The following ADTRP variants were observed in gnomAD, a reference collection of about 807,000 sequenced individuals.
ADTRP encodes the protein androgen dependent TFPI regulating protein.
ADTRP carries 20 observed loss-of-function variants against 27.0 expected under a neutral mutation model. That is an observed-to-expected ratio of 0.74 (90% confidence interval 0.52 to 1.08). The LOEUF (loss-of-function observed/expected upper bound fraction) is 1.08. Ranked by LOEUF, ADTRP falls within the 50% of genes least tolerant of loss-of-function variation. ADTRP has a pLI of 0.00. For synonymous variants in ADTRP, 101 were observed against 105.2 expected (o/e 0.96, Z 0.25); for missense variants, 251 against 275.0 (o/e 0.91, Z 0.62).
At chr6:11,742,172 T>C (rs539087813) in intron 3 of ADTRP, among the ~76,000 whole-genome samples, 24 of 152,342 alleles carry the variant, frequency 1.6e-4, no homozygotes, top group African/African-American at 5.8e-4. Flanking sequence ...AAACCTTCTG[T>C]GGCTCTCTAT....
chr6:11,736,879 GGTAA>G (rs1409549137), intron 3 of ADTRP, among the ~76,000 whole-genome samples: 1 of 152,154 alleles, frequency 6.6e-6, no homozygotes, highest in East Asian at 1.9e-4. Flanking sequence ...TGCTGAGGGT[GGTAA>G]GTGTGTGGGG....
intron 4 of ADTRP, among the ~76,000 whole-genome samples, chr6:11,724,362 T>A (rs1453456285): frequency 2.0e-5 from 3 of 152,138 alleles, no homozygotes; most frequent in Non-Finnish European, 4.4e-5. Context: ...CGGCCCTGAT[T>A]TTCACTCATG....
rs551685020 is a variant in ADTRP at position 11,754,701 on chromosome 6, G to C, written c.390+11573C>G. On this transcript the variant is annotated intron_variant, in intron 3 of 5. Coordinates refer to ENST00000414691, the MANE Select transcript of ADTRP (RefSeq NM_032744.4). ...TAGGCAGAGAAGATGATGAGACCAG[G>C]AACAAGGTGTGGGGGCTGGTTGAGA... Among the ~76,000 whole-genome samples the C allele has an allele frequency of 7.9e-5, 12 of 152,284 alleles. No homozygotes were observed. In the South Asian group the frequency reaches 1.7e-3, roughly 21 times the overall value.
intron 4 of ADTRP, among the ~76,000 whole-genome samples, chr6:11,729,978 G>A (rs1416560157): frequency 6.6e-6 from 1 of 152,128 alleles, no homozygotes; most frequent in Non-Finnish European, 1.5e-5. Context: ...TTTCAACAAT[G>A]TGTCTCAGGC....
At chr6:11,748,297 G>A (rs910112305) in intron 3 of ADTRP, among the ~76,000 whole-genome samples, 3 of 152,192 alleles carry the variant, frequency 2.0e-5, no homozygotes, top group African/African-American at 7.2e-5. Context: ...TGACACTTGG[G>A]TTGCTAAAGG....
intron 4 of ADTRP, among the ~76,000 whole-genome samples, chr6:11,730,681 A>G (rs1762354938): frequency 6.6e-6 from 1 of 152,258 alleles, no homozygotes; most frequent in Non-Finnish European, 1.5e-5. Context: ...AGAGCACAGT[A>G]TAAAAGAAAG....
chr6:11,778,298 T>C (rs1471850084), intron 1 of ADTRP, among the ~76,000 whole-genome samples: 1 of 152,142 alleles, frequency 6.6e-6, no homozygotes, highest in Non-Finnish European at 1.5e-5. Context: ...TTGTAGTTAA[T>C]CCCATGGTGA....
chr6:11,731,386 T>C (rs1206124480), intron 4 of ADTRP, among the ~76,000 whole-genome samples: 1 of 152,206 alleles, frequency 6.6e-6, no homozygotes, highest in Non-Finnish European at 1.5e-5. Context: ...AAGTTACAAA[T>C]ACTGCTCACC....
chr6:11,744,209 T>C (rs565706148), intron 3 of ADTRP, among the ~76,000 whole-genome samples: 1 of 152,296 alleles, frequency 6.6e-6, no homozygotes, highest in East Asian at 1.9e-4. Context: ...ACATCTCCCT[T>C]GCTTTCTGCC....
At chr6:11,774,025 G>A (rs193177588) in intron 1 of ADTRP, among the ~76,000 whole-genome samples, 284 of 152,272 alleles carry the variant, frequency 1.9e-3, no homozygotes, top group African/African-American at 6.3e-3. Context: ...GAGTGCCATA[G>A]GGGTTGGGTG....
intron 3 of ADTRP, among the ~76,000 whole-genome samples, chr6:11,753,203 C>T (rs1561763361): frequency 1.3e-5 from 2 of 152,190 alleles, no homozygotes; most frequent in Non-Finnish European, 2.9e-5. Context: ...CTCCTCACAC[C>T]AATCTGACTT....
intron 5 of ADTRP, among the ~76,000 whole-genome samples, chr6:11,715,572 G>A (rs1761784374): frequency 6.6e-6 from 1 of 151,892 alleles, no homozygotes. Context: ...TTCAGCCGAG[G>A]CTTATTGTTT....
chr6:11,769,783 T>A lies in ADTRP; in HGVS notation c.154-1400A>T, dbSNP rs560048784. 3.0e-3 allele frequency among the ~76,000 whole-genome samples: 458 copies of A among 152,136 alleles called. 4 individuals are homozygous for A. Among genetic ancestry groups the A allele is most frequent in the African/African-American group, 0.011 (442 of 41,520 alleles). On this transcript the variant is annotated intron_variant, in intron 1 of 5. Coordinates refer to ENST00000414691, the MANE Select transcript of ADTRP (RefSeq NM_032744.4). ...TTATTAAGATACACTTTACAGAATA[T>A]AAAATATAGATTTTAAATGTAGAAA...
At chr6:11,753,916 A>G (rs953500665) in intron 3 of ADTRP, among the ~76,000 whole-genome samples, 3 of 152,226 alleles carry the variant, frequency 2.0e-5, no homozygotes, top group African/African-American at 7.2e-5. Context: ...TTTCAATGCC[A>G]ACATAATTAC....
chr6:11,723,270 T>C (rs1762076231), intron 5 of ADTRP, 79 bp downstream of exon 5: 38 of 1,542,400 alleles, frequency 2.5e-5, no homozygotes, highest in Non-Finnish European at 3.4e-5. Context: ...TGCGGCTAGT[T>C]TTTCTTTCTG....
intron 4 of ADTRP, among the ~76,000 whole-genome samples, chr6:11,731,983 C>G (rs1444353009): frequency 1.3e-5 from 2 of 152,160 alleles, no homozygotes; most frequent in Non-Finnish European, 2.9e-5. Flanking sequence ...CTCCTCACCA[C>G]TGCCTCAGGG....
intron 5 of ADTRP, among the ~76,000 whole-genome samples, chr6:11,716,230 C>G (rs1761819510): frequency 6.6e-6 from 1 of 152,126 alleles, no homozygotes; most frequent in Non-Finnish European, 1.5e-5. Context: ...TTTACCAATC[C>G]CCAAGCCCTC....
intron 3 of ADTRP, among the ~76,000 whole-genome samples, chr6:11,759,752 T>C (rs887038925): frequency 6.6e-6 from 1 of 152,236 alleles, no homozygotes; most frequent in Admixed American, 6.5e-5. Context: ...ATTGAAGATG[T>C]AATTAAATTA....
At chr6:11,715,255 A>T (rs1581298198) in intron 5 of ADTRP, among the ~76,000 whole-genome samples, 2 of 152,070 alleles carry the variant, frequency 1.3e-5, no homozygotes, top group East Asian at 3.8e-4. Context: ...CCTGCAGCAA[A>T]TCCATGCTCC....
Sources: gnomAD v4.1 joint callset for allele counts (sites outside exome capture counted in the v4.1 genomes callset) on GRCh38, gnomAD v4.1.1 for gene constraint, MANE v1.5 for transcripts, NCBI Gene and HGNC (gene_info 2026-07-23, HGNC 2026-07-21) for gene names.